The following DMD variants were observed in gnomAD, a reference collection of about 807,000 sequenced individuals.
DMD encodes the protein mutant dystrophin.
A neutral mutation model predicts 330.1 loss-of-function variants in DMD; 63 were observed. That is an observed-to-expected ratio of 0.19 (90% CI 0.16 to 0.24). The LOEUF (loss-of-function observed/expected upper bound fraction) is 0.24. Ranked by LOEUF, DMD falls within the 10% of genes least tolerant of loss-of-function variation. The pLI, the probability that DMD is intolerant of heterozygous loss-of-function variation, is 1.00. For missense variants in DMD, 3,344 were observed against 2,684.1 expected (o/e 1.25, Z -5.43); for synonymous variants, 1,223 against 959.8 (o/e 1.27, Z -5.07).
At chrX:32,120,237 T>C (rs1014410738) in intron 44 of DMD, among the ~76,000 whole-genome samples, 11 of 112,277 alleles carry the variant, frequency 9.8e-5, no homozygotes, top group Admixed American at 8.5e-4. Flanking sequence ...TGGTTTCTTA[T>C]AGCCTAGCTA....
At chrX:31,827,516 C>T (rs998848430) in intron 49 of DMD, among the ~76,000 whole-genome samples, 2 of 111,629 alleles carry the variant, frequency 1.8e-5, no homozygotes, top group African/African-American at 6.5e-5. Context: ...AGACAGGTCA[C>T]TGAAACAAAA....
At chrX:33,008,749 A>G (rs1377093895) in intron 2 of DMD, among the ~76,000 whole-genome samples, 1 of 97,617 alleles carries the variant, frequency 1.0e-5, no homozygotes, top group African/African-American at 3.7e-5. Context: ...TATATACATC[A>G]GATAAGTATT....
intron 59 of DMD, among the ~76,000 whole-genome samples, chrX:31,452,048 C>T (rs2065794440): frequency 9.2e-6 from 1 of 109,006 alleles, no homozygotes; most frequent in Non-Finnish European, 1.9e-5. Flanking sequence ...AACTAATGGC[C>T]TAGATTTAGC....
chrX:32,652,692 C>T (rs2060253517), intron 9 of DMD, among the ~76,000 whole-genome samples: 1 of 111,098 alleles, frequency 9.0e-6, no homozygotes, highest in African/African-American at 3.3e-5. Context: ...AATGGGATGG[C>T]TGGGTCAAAT....
intron 12 of DMD, among the ~76,000 whole-genome samples, chrX:32,598,231 G>A (rs2055792983): frequency 8.9e-6 from 1 of 112,064 alleles, no homozygotes. Context: ...TATTTTGTGT[G>A]TGCAATCTAT....
At chrX:32,546,617 C>T (rs2048989959) in intron 16 of DMD, among the ~76,000 whole-genome samples, 1 of 111,327 alleles carries the variant, frequency 9.0e-6, no homozygotes, top group South Asian at 3.8e-4. Context: ...AAAAGGCTAC[C>T]TTTTGTTAAA....
chrX:32,494,455 C>A (rs983067687), intron 19 of DMD, among the ~76,000 whole-genome samples: 1 of 110,648 alleles, frequency 9.0e-6, no homozygotes, highest in Non-Finnish European at 1.9e-5. Flanking sequence ...TTAAAGAGAC[C>A]GGAGTTCAAA....
chrX:32,265,573 C>T (rs933496263), intron 43 of DMD, among the ~76,000 whole-genome samples: 4 of 112,115 alleles, frequency 3.6e-5, no homozygotes, highest in African/African-American at 9.7e-5. Context: ...GCCACAGACA[C>T]TCAATGCTAG....
At chrX:32,856,588 C>A (rs2081582794) in intron 2 of DMD, among the ~76,000 whole-genome samples, 1 of 111,984 alleles carries the variant, frequency 8.9e-6, no homozygotes, top group Non-Finnish European at 1.9e-5. Context: ...TGGGCTCACT[C>A]ATATGCAGTA....
chrX:31,848,083 TTA>T (rs1423715046), intron 48 of DMD, among the ~76,000 whole-genome samples: 3 of 111,954 alleles, frequency 2.7e-5, no homozygotes, highest in Non-Finnish European at 3.8e-5. Flanking sequence ...TATATGCTTA[TTA>T]TTTCTTTCCA....
At chrX:32,495,802 A>G (rs780766413) in intron 19 of DMD, among the ~76,000 whole-genome samples, 8 of 112,055 alleles carry the variant, frequency 7.1e-5, no homozygotes, top group Non-Finnish European at 1.1e-4. Context: ...AAGTGTAAAT[A>G]TCTGAAAAGT....
chrX:32,907,515 TA>T (rs745666677), intron 2 of DMD, among the ~76,000 whole-genome samples: 89 of 112,066 alleles, frequency 7.9e-4, no homozygotes, highest in African/African-American at 2.8e-3. Flanking sequence ...AATTAATCAC[TA>T]ATAGGAGAGA....
At chrX:32,298,514 C>CATATATATATATAT (rs57786574) in intron 42 of DMD, among the ~76,000 whole-genome samples, 26 of 104,518 alleles carry the variant, frequency 2.5e-4, no homozygotes, top group Middle Eastern at 4.8e-3. Flanking sequence ...ATATAAAAGG[C>CATATATATATATAT]ATATATATAT....
At chrX:32,011,607 A>T (rs2095709269) in intron 44 of DMD, among the ~76,000 whole-genome samples, 1 of 111,575 alleles carries the variant, frequency 9.0e-6, no homozygotes. Flanking sequence ...CTTGTGTTCC[A>T]ACTTTCTGCT....
intron 7 of DMD, among the ~76,000 whole-genome samples, chrX:32,794,935 C>A (rs1310902021): frequency 9.0e-6 from 1 of 111,499 alleles, no homozygotes. Flanking sequence ...GGAAATAATA[C>A]CTAGGAGTAA....
chrX:31,250,239 CATT>C (rs1322023811), intron 63 of DMD, among the ~76,000 whole-genome samples: 1 of 111,497 alleles, frequency 9.0e-6, no homozygotes, highest in Non-Finnish European at 1.9e-5. Flanking sequence ...ACATTATATA[CATT>C]ATATTTAATT....
At chrX:32,524,237 G>C (rs1007947097) in intron 17 of DMD, among the ~76,000 whole-genome samples, 2 of 111,790 alleles carry the variant, frequency 1.8e-5, no homozygotes, top group African/African-American at 6.5e-5. Flanking sequence ...CCCGGCCCCA[G>C]AAGAAATCTT....
rs751348491 is a variant in DMD at position 31,470,132 on chromosome X, G to A, written c.8937+7974C>T. 4.5e-5 allele frequency among the ~76,000 whole-genome samples: 5 copies of A among 110,519 alleles called. No individual in the cohort carries two copies. In the East Asian group the frequency reaches 1.1e-3, roughly 25 times the overall value. On this transcript the variant is annotated intron_variant, in intron 59 of 78. Transcript: ENST00000357033. The stretch of plus-strand genomic sequence containing the variant: ...GGGTTAGAACACGCTCCTTTAGCTC[G>A]TAAGAGTTTGTTATTACCCACCTTC...
In DMD at chrX:33,258,375, A is replaced by G. The variant is rs773311827; in HGVS notation, c.7+80884T>C. Reference sequence around the variant, plus strand: ...TGTTTAAAAATATTTTCACACAGTTACCTGAAAAATACTTGCACTGAAAGC... The same window carrying G: ...TGTTTAAAAATATTTTCACACAGTTGCCTGAAAAATACTTGCACTGAAAGC... On this transcript the variant is annotated intron_variant, in intron 1 of 17. Transcript: ENST00000288447. Among the ~76,000 whole-genome samples, 3 of 111,514 alleles carry G rather than the reference A, an allele frequency of 2.7e-5. No individual in the cohort carries two copies. The Admixed American group carries it at 2.9e-4, about 11-fold the overall frequency.
Sources: allele counts gnomAD v4.1 joint callset (sites outside exome capture counted in the v4.1 genomes callset), GRCh38; gene constraint gnomAD v4.1.1; transcripts MANE v1.5; gene names NCBI Gene and HGNC (gene_info 2026-07-23, HGNC 2026-07-21).